Variants in TAFA2 observed in about 807,000 individuals in gnomAD.
TAFA2 encodes the protein chemokine-like protein TAFA-2.
Under a neutral mutation model 18.8 loss-of-function variants are expected in TAFA2, and 7 were observed. That is an observed-to-expected ratio of 0.37 (90% confidence interval 0.21 to 0.70). The LOEUF (loss-of-function observed/expected upper bound fraction) is 0.70. Ranked by LOEUF, TAFA2 falls within the 30% of genes least tolerant of loss-of-function variation. The pLI is 0.53. For missense variants in TAFA2, 122 were observed against 158.1 expected (o/e 0.77, Z 1.23); for synonymous variants, 60 against 54.2 (o/e 1.11, Z -0.47).
chr12:61,909,115 C>A (rs1325748417), intron 1 of TAFA2, among the ~76,000 whole-genome samples: 1 of 152,098 alleles, frequency 6.6e-6, no homozygotes, highest in East Asian at 1.9e-4. Context: ...AGAAAGGCAT[C>A]CAGGGCCCTG....
At chr12:62,127,478 TC>T (rs1407013438) in intron 1 of TAFA2, among the ~76,000 whole-genome samples, 1 of 152,132 alleles carries the variant, frequency 6.6e-6, no homozygotes, top group Non-Finnish European at 1.5e-5. Flanking sequence ...GAAAACTGGT[TC>T]ATCTTAAGTT....
chr12:61,996,383 G>A (rs751598405), intron 1 of TAFA2, among the ~76,000 whole-genome samples: 27 of 152,254 alleles, frequency 1.8e-4, no homozygotes, highest in Non-Finnish European at 3.1e-4. Flanking sequence ...GCTGTGAGCA[G>A]GTGCAGTCCT....
chr12:62,000,302 T>C (rs1024848064), intron 1 of TAFA2, among the ~76,000 whole-genome samples: 2 of 146,028 alleles, frequency 1.4e-5, no homozygotes, highest in African/African-American at 2.5e-5. Flanking sequence ...CCACATCATA[T>C]GTTTTTCTTA....
chr12:62,162,399 T>C (rs868593517), intron 1 of TAFA2, among the ~76,000 whole-genome samples: 1 of 152,230 alleles, frequency 6.6e-6, no homozygotes, highest in Non-Finnish European at 1.5e-5. Flanking sequence ...GAGAAGTAGT[T>C]CCTGTTTATC....
chr12:61,835,429 T>C (rs1290182237), intron 2 of TAFA2, among the ~76,000 whole-genome samples: 2 of 152,020 alleles, frequency 1.3e-5, no homozygotes. Flanking sequence ...TACATGAGTA[T>C]ATTAACTGAT....
intron 1 of TAFA2, among the ~76,000 whole-genome samples, chr12:61,915,200 G>A (rs74096112): frequency 0.034 from 5,159 of 152,144 alleles, 294 homozygotes; most frequent in African/African-American, 0.12. Flanking sequence ...GTGATGTGGC[G>A]TAGTCTAGAC....
upstream of TAFA2, chr12:62,258,891 G>A (rs997817499): frequency 5.3e-6 from 1 of 187,812 alleles, no homozygotes; most frequent in Non-Finnish European, 1.2e-5. Context: ...CGTGGTTAGA[G>A]AAACTCTTAA....
chr12:61,895,653 C>T (rs1019947760), intron 1 of TAFA2, among the ~76,000 whole-genome samples: 1 of 152,158 alleles, frequency 6.6e-6, no homozygotes, highest in African/African-American at 2.4e-5. Flanking sequence ...TGGCAATTCA[C>T]ACCTGTAAAT....
chr12:61,998,153 G>A (rs1289657986), intron 1 of TAFA2, among the ~76,000 whole-genome samples: 1 of 152,104 alleles, frequency 6.6e-6, no homozygotes, highest in Non-Finnish European at 1.5e-5. Context: ...GTCAGAGCAA[G>A]TAAAAGGAGA....
intron 1 of TAFA2, among the ~76,000 whole-genome samples, chr12:61,891,387 C>G (rs1343969204): frequency 6.6e-6 from 1 of 152,174 alleles, no homozygotes; most frequent in African/African-American, 2.4e-5. Flanking sequence ...TGGCTCATGC[C>G]TGTAATCCCA....
chr12:61,974,109 G>T (rs1355276287), intron 1 of TAFA2, among the ~76,000 whole-genome samples: 1 of 151,636 alleles, frequency 6.6e-6, no homozygotes, highest in South Asian at 2.1e-4. Flanking sequence ...GACAGAAAAA[G>T]CCTAAGCAAG....
At chr12:62,170,766 C>T (rs904129599) in intron 1 of TAFA2, among the ~76,000 whole-genome samples, 4 of 152,098 alleles carry the variant, frequency 2.6e-5, no homozygotes, top group Non-Finnish European at 4.4e-5. Flanking sequence ...CCCTCAAATC[C>T]CTTACCTCCT....
At chr12:62,020,249 A>G (rs1031902632) in intron 1 of TAFA2, among the ~76,000 whole-genome samples, 1 of 152,226 alleles carries the variant, frequency 6.6e-6, no homozygotes, top group Non-Finnish European at 1.5e-5. Flanking sequence ...TTAAAATACA[A>G]CGTGAAAACT....
chr12:61,927,626 A>G (rs1877360094), intron 1 of TAFA2, among the ~76,000 whole-genome samples: 1 of 152,202 alleles, frequency 6.6e-6, no homozygotes, highest in South Asian at 2.1e-4. Context: ...CCATCAAGCT[A>G]CCATTGACTT....
At chr12:62,047,627 T>A (rs1420755100) in intron 1 of TAFA2, among the ~76,000 whole-genome samples, 2 of 152,184 alleles carry the variant, frequency 1.3e-5, no homozygotes, top group African/African-American at 2.4e-5. Context: ...TGCATTTTTT[T>A]AAATACCTAT....
chr12:61,995,202 T>G (rs1880144749), intron 1 of TAFA2, among the ~76,000 whole-genome samples: 1 of 152,172 alleles, frequency 6.6e-6, no homozygotes, highest in Non-Finnish European at 1.5e-5. Flanking sequence ...CCACTGTCAC[T>G]CCTAGCTCAT....
At chr12:61,976,370 C>G (rs1014095568) in intron 1 of TAFA2, among the ~76,000 whole-genome samples, 1 of 151,634 alleles carries the variant, frequency 6.6e-6, no homozygotes, top group East Asian at 1.9e-4. Flanking sequence ...TGTTAAACAA[C>G]GTATTTTGAT....
intron 1 of TAFA2, among the ~76,000 whole-genome samples, chr12:62,002,834 A>G (rs1464242521): frequency 6.6e-6 from 1 of 152,110 alleles, no homozygotes; most frequent in Non-Finnish European, 1.5e-5. Context: ...AATTTTATGC[A>G]TCCACCTCCT....
intron 1 of TAFA2, among the ~76,000 whole-genome samples, chr12:62,199,571 G>GGT (rs545750237): frequency 3.3e-5 from 5 of 150,606 alleles, no homozygotes; most frequent in Non-Finnish European, 7.4e-5. Context: ...AGCATTCCAT[G>GGT]GTGTGTGTGT....
Sources: gnomAD v4.1 joint callset for allele counts (sites outside exome capture counted in the v4.1 genomes callset) on GRCh38, gnomAD v4.1.1 for gene constraint, MANE v1.5 for transcripts, NCBI Gene and HGNC (gene_info 2026-07-23, HGNC 2026-07-21) for gene names.